NPAS2: variants seen among roughly 807,000 people sequenced by gnomAD.
NPAS2 encodes the protein neuronal PAS domain protein 2.
In NPAS2, 23 loss-of-function variants were observed where a neutral mutation model predicts 107.5. That is an observed-to-expected ratio of 0.21 (90% CI 0.15 to 0.30). The LOEUF (loss-of-function observed/expected upper bound fraction) is 0.30. Ranked by LOEUF, NPAS2 falls within the 10% of genes least tolerant of loss-of-function variation. The pLI is 1.00. For synonymous variants in NPAS2, 403 were observed against 417.5 expected (o/e 0.97, Z 0.42); for missense variants, 756 against 1,043.3 (o/e 0.72, Z 3.79).
intron 1 of NPAS2, among the ~76,000 whole-genome samples, chr2:100,841,627 G>GA (rs1677405764): frequency 6.6e-6 from 1 of 152,124 alleles, no homozygotes; most frequent in African/African-American, 2.4e-5. Context: ...CTAAAGGTTA[G>GA]AACATTCGAT....
chr2:100,952,575 C>A (rs1231713893), intron 7 of NPAS2, among the ~76,000 whole-genome samples: 8 of 150,796 alleles, frequency 5.3e-5, no homozygotes, highest in African/African-American at 2.0e-4. Context: ...AAAAAAAAAA[C>A]AAAAAAACAA....
chr2:100,974,164 G>A (rs889440413), intron 12 of NPAS2, among the ~76,000 whole-genome samples: 1 of 152,144 alleles, frequency 6.6e-6, no homozygotes, highest in Non-Finnish European at 1.5e-5. Context: ...CTGTTTTCAT[G>A]TGCCTATAAC....
chr2:100,973,556 T>A (rs957377095), intron 12 of NPAS2, among the ~76,000 whole-genome samples: 2 of 152,208 alleles, frequency 1.3e-5, no homozygotes, highest in African/African-American at 4.8e-5. Context: ...CATCTGGTAT[T>A]TCTGTTTTGC....
At chr2:100,981,906 A>G (rs1367217368) in intron 15 of NPAS2, among the ~76,000 whole-genome samples, 1 of 152,238 alleles carries the variant, frequency 6.6e-6, no homozygotes, top group Non-Finnish European at 1.5e-5. Context: ...AATTTGGAAT[A>G]TCAGTTTGTG....
At chr2:100,943,465 C>T (rs1674701982) in intron 5 of NPAS2, among the ~76,000 whole-genome samples, 1 of 152,240 alleles carries the variant, frequency 6.6e-6, no homozygotes, top group Non-Finnish European at 1.5e-5. Flanking sequence ...TTAATTACCT[C>T]TCATTCATCC....
intron 3 of NPAS2, among the ~76,000 whole-genome samples, chr2:100,932,680 C>G (rs1425644868): frequency 6.6e-6 from 1 of 151,168 alleles, no homozygotes; most frequent in Non-Finnish European, 1.5e-5. Flanking sequence ...GCACCACAGC[C>G]ATAGAGAAGG....
chr2:100,960,179 G>A (rs1285007231), intron 7 of NPAS2, among the ~76,000 whole-genome samples: 1 of 152,066 alleles, frequency 6.6e-6, no homozygotes, highest in Non-Finnish European at 1.5e-5. Context: ...ACCAGCCCAA[G>A]ACAAAACTTT....
At chr2:100,851,368 C>T (rs531085591) in intron 1 of NPAS2, among the ~76,000 whole-genome samples, 6 of 152,116 alleles carry the variant, frequency 3.9e-5, no homozygotes, top group Non-Finnish European at 7.3e-5. Context: ...ATGGGCTTTC[C>T]GCAGCATTGC....
intron 7 of NPAS2, among the ~76,000 whole-genome samples, chr2:100,963,003 C>T (rs1465958265): frequency 6.6e-6 from 1 of 152,220 alleles, no homozygotes; most frequent in Non-Finnish European, 1.5e-5. Context: ...GACAGTAATG[C>T]CCTCCTAGAT....
At chr2:100,951,931 C>T (rs952313056) in intron 7 of NPAS2, among the ~76,000 whole-genome samples, 5 of 152,004 alleles carry the variant, frequency 3.3e-5, no homozygotes, top group Non-Finnish European at 5.9e-5. Flanking sequence ...GGGCGGATCA[C>T]GAGGTCAGGA....
intron 1 of NPAS2, among the ~76,000 whole-genome samples, chr2:100,843,504 A>T (rs1423196736): frequency 6.6e-6 from 1 of 152,202 alleles, no homozygotes; most frequent in East Asian, 1.9e-4. Context: ...TGATAGTCTC[A>T]GGTAAAAGTC....
intron 1 of NPAS2, among the ~76,000 whole-genome samples, chr2:100,842,041 A>C (rs549674268): frequency 1.3e-4 from 19 of 148,132 alleles, no homozygotes; most frequent in Non-Finnish European, 2.3e-4. Context: ...CACCATATAC[A>C]TGTGCACATG....
intron 1 of NPAS2, among the ~76,000 whole-genome samples, chr2:100,860,428 C>G (rs1175928071): frequency 6.6e-6 from 1 of 152,110 alleles, no homozygotes; most frequent in East Asian, 1.9e-4. Flanking sequence ...ACTATTTTTC[C>G]TTTTAATTAT....
At chr2:100,848,121 G>A (rs1476276546) in intron 1 of NPAS2, among the ~76,000 whole-genome samples, 1 of 152,220 alleles carries the variant, frequency 6.6e-6, no homozygotes, top group Admixed American at 6.5e-5. Context: ...CAGGGAAGGA[G>A]CTTGCATTGG....
chr2:100,891,432 G>T (rs1190507659), intron 1 of NPAS2, among the ~76,000 whole-genome samples: 1 of 152,152 alleles, frequency 6.6e-6, no homozygotes, highest in African/African-American at 2.4e-5. Flanking sequence ...GGCTCTGAAG[G>T]TCCCACCTGT....
chr2:100,995,230 C>G, intron 20 of NPAS2, 170 bp from the exon 21 acceptor site: 1 of 541,094 alleles, frequency 1.8e-6, no homozygotes. Context: ...TAGTCCCCAT[C>G]CCCACCACAC....
At chr2:100,904,914 T>C in intron 2 of NPAS2, 128 bp downstream of exon 2, 2 of 698,036 alleles carry the variant, frequency 2.9e-6, no homozygotes, top group Middle Eastern at 3.8e-4. Context: ...TAGGACACAC[T>C]CTCTGTGACA....
intron 7 of NPAS2, among the ~76,000 whole-genome samples, chr2:100,952,216 C>A (rs549478592): frequency 6.6e-6 from 1 of 151,708 alleles, no homozygotes; most frequent in South Asian, 2.1e-4. Flanking sequence ...AGCAACATAC[C>A]CCAGTGGCCT....
intron 4 of NPAS2, 30 bp downstream of exon 4, chr2:100,933,031 A>G (rs1042224233): frequency 1.3e-6 from 2 of 1,509,480 alleles, no homozygotes; most frequent in Admixed American, 1.7e-5. Flanking sequence ...TAGCTTAAAC[A>G]GTTGCCAGTT....
Sources: allele counts gnomAD v4.1 joint callset (sites outside exome capture counted in the v4.1 genomes callset), GRCh38; gene constraint gnomAD v4.1.1; transcripts MANE v1.5; gene names NCBI Gene and HGNC (gene_info 2026-07-23, HGNC 2026-07-21).